Variants in POLQ observed in about 807,000 individuals in gnomAD.
POLQ encodes DNA polymerase theta.
A neutral mutation model predicts 259.2 loss-of-function variants in POLQ; 233 were observed. That is an observed-to-expected ratio of 0.90 (90% CI 0.81 to 1.00). The LOEUF is 1.00. Among genes scored for constraint, POLQ ranks in the 50% least tolerant of loss-of-function variants. The probability of loss-of-function intolerance (pLI) is 0.00; values close to 1 mark genes in which losing one functional copy is unlikely to be tolerated. For missense variants in POLQ, 2,871 were observed against 3,051.6 expected, an observed-to-expected ratio of 0.94 and a Z score of 1.39; for synonymous variants, 1,025 against 1,048.8, an observed-to-expected ratio of 0.98 and a Z score of 0.44.
Position 121,460,023 on chromosome 3 carries a change from T to TATATTAACC in POLQ, c.7152+18_7152+26dup, listed in dbSNP as rs1485587369. Reference sequence around the variant, plus strand: ...TTTGAGTCACTAAATTCTTCTCCTTTATATTAACCATGTTCACTAAAATCA... The same window carrying TATATTAACC: ...TTTGAGTCACTAAATTCTTCTCCTTTATATTAACCATATTAACCATGTTCACTAAAATCA... On this transcript the variant is annotated intron_variant, in intron 25 of 29. Transcript: ENST00000264233. 4 of 1,564,538 alleles carry TATATTAACC rather than the reference T, an allele frequency of 2.6e-6. No homozygotes were observed. In the South Asian group the frequency reaches 4.5e-5, roughly 18 times the overall value.
At position 121,485,149 on chromosome 3, in the gene POLQ, C is replaced by A. The variant is rs1039199133; in HGVS notation, c.5665G>T (p.Gly1889Ter). 12 of 1,608,850 alleles carry A rather than the reference C, an allele frequency of 7.5e-6. No homozygotes were observed. Among genetic ancestry groups the A allele is most frequent in the Non-Finnish European group, 1.0e-5 (12 of 1,176,660 alleles). Residue 1889 changes from glycine (G) to a stop codon, truncating the protein, a stop_gained, in exon 17 of 30, where the codon GGA becomes TGA. Transcript: ENST00000264233. LOFTEE classifies it high-confidence loss of function. ...TCATCACAACCTTTAATGGGAAATCCATCATCTCTAATAGGAATTTCCTGA... is the reference window on the plus strand; with the variant it reads ...TCATCACAACCTTTAATGGGAAATCAATCATCTCTAATAGGAATTTCCTGA... ...SPQEIPIRDDGFPIKGCDDTL... is the reference protein window; with the variant it reads ...SPQEIPIRDD
At chr3:121,480,606 C>T (rs555315728) in intron 19 of POLQ, among the ~76,000 whole-genome samples, 2 of 151,806 alleles carry the variant, frequency 1.3e-5, no homozygotes, top group Admixed American at 1.3e-4. Context: ...CAGGCAGGAA[C>T]CACTGAGCCA....
At chr3:121,467,666 T>TA in intron 23 of POLQ, 26 bp from the exon 24 acceptor site, 1 of 1,610,762 alleles carries the variant, frequency 6.2e-7, no homozygotes, top group Middle Eastern at 1.7e-4. Flanking sequence ...CATCATCAGT[T>TA]AGACATGAAG....
chr3:121,523,356 T>C (rs148063933), intron 7 of POLQ, among the ~76,000 whole-genome samples: 307 of 152,284 alleles, frequency 2.0e-3, no homozygotes, highest in African/African-American at 7.1e-3. Context: ...TACATACTTA[T>C]ATGTTGTCTT....
Position 121,473,276 on chromosome 3 carries a change from G to T in POLQ, c.6543+74C>A, listed in dbSNP as rs563107683. ...GTAGGCTAAGATGTTGATTTCATCA[G>T]CATTCTTTCTAGACACCAAAATGTT... On this transcript the variant is annotated intron_variant, in intron 21 of 29. Coordinates refer to ENST00000264233, the MANE Select transcript of POLQ (RefSeq NM_199420.4). The T allele has an allele frequency of 2.3e-5, 29 of 1,240,458 alleles. No homozygotes were observed. In the South Asian group the frequency reaches 4.0e-4, roughly 17 times the overall value. The allele number at this position is 1,240,458 out of a possible 1,614,324, so 76.8% of individuals were successfully genotyped here. A position where few individuals can be genotyped will look rare whatever the true frequency, so the allele number is the denominator to read the frequency against.
At chr3:121,534,603 G>A (rs2048437828) in intron 5 of POLQ, among the ~76,000 whole-genome samples, 1 of 152,230 alleles carries the variant, frequency 6.6e-6, no homozygotes, top group African/African-American at 2.4e-5. Context: ...TTACAGGCAT[G>A]AGCCACCATG....
intron 26 of POLQ, among the ~76,000 whole-genome samples, chr3:121,447,426 T>C (rs144636577): frequency 2.0e-4 from 30 of 152,160 alleles, no homozygotes; most frequent in African/African-American, 7.0e-4. Flanking sequence ...GCCTCCCAAA[T>C]TGCTGGGATT....
intron 28 of POLQ, 94 bp downstream of exon 28, chr3:121,436,028 C>T (rs1048234823): frequency 9.7e-7 from 1 of 1,035,706 alleles, no homozygotes; most frequent in Non-Finnish European, 1.4e-6. Context: ...CATTTGAGAA[C>T]TGTTGAGAAA....
At chr3:121,533,275 C>T in intron 5 of POLQ, 66 bp from the exon 6 acceptor site, 1 of 1,088,248 alleles carries the variant, frequency 9.2e-7, no homozygotes, top group Non-Finnish European at 1.3e-6. Context: ...GTGTTGCTAA[C>T]AATATTCTTG....
At chr3:121,497,330 C>T (rs1053737032) in intron 13 of POLQ, among the ~76,000 whole-genome samples, 8 of 151,924 alleles carry the variant, frequency 5.3e-5, no homozygotes, top group East Asian at 1.9e-4. Flanking sequence ...TGAAAGGCAA[C>T]GGTAGCAAAA....
Position 121,467,561 on chromosome 3 carries a change from G to A in POLQ, c.6925C>T (p.Pro2309Ser). 1 of 1,613,926 alleles carries A rather than the reference G, an allele frequency of 6.2e-7. No individual in the cohort carries two copies. The highest frequency in any genetic ancestry group is 8.5e-7 in the Non-Finnish European group (1 of 1,179,822). ...MEERAADRGM[P>S]FSISMRHAFV... ...GCATGTCGCATGCTAATTGAAAATG[G>A]CATTCCTCTGTCTGCAGCTCTCTCC... Residue 2309 changes from proline (P) to serine (S), a missense_variant, in exon 24 of 30, where the codon CCA becomes TCA. By Grantham distance (74) the Pro-to-Ser change is moderately conservative. Around this residue, in one of 3 missense-constraint regions of POLQ, gnomAD observed 2,080 missense variants for 2,126.0 expected, o/e 0.98. Coordinates refer to ENST00000264233, the MANE Select transcript of POLQ (RefSeq NM_199420.4).
rs1228810172 is a variant in POLQ, at chr3:121,523,446, T to G, written c.1109-1297A>C. Among the ~76,000 whole-genome samples, 3 of 152,180 alleles carry G rather than the reference T, an allele frequency of 2.0e-5. No homozygotes were observed. In the East Asian group the frequency reaches 5.8e-4, roughly 29 times the overall value. ...TAAATATATGGCTGGGCACGGTGGCTGACACCCGTAATCCCAGAACTTTGG... is the reference window on the plus strand; with the variant it reads ...TAAATATATGGCTGGGCACGGTGGCGGACACCCGTAATCCCAGAACTTTGG... On this transcript the variant is annotated intron_variant, in intron 7 of 29. Coordinates refer to ENST00000264233, the MANE Select transcript of POLQ (RefSeq NM_199420.4).
chr3:121,489,596 G>A lies in POLQ; in HGVS notation c.3335C>T (p.Thr1112Ile). 6 of 1,613,046 alleles carry A rather than the reference G, an allele frequency of 3.7e-6. No individual in the cohort carries two copies. Among genetic ancestry groups the A allele is most frequent in the Non-Finnish European group, 5.1e-6 (6 of 1,179,478 alleles). ...TTGCTTTATTTGTAATGGGAATGAT[G>A]TTTTATTATCTTTTTCCTTACCACT... ...SLSGKEKDNK[T>I]SFPLQIKQNC... Residue 1112 changes from threonine (T) to isoleucine (I), a missense_variant, in exon 16 of 30, where the codon ACA becomes ATA. By Grantham distance (89) the Thr-to-Ile change is moderately conservative (BLOSUM62 -1). This residue lies in a region of POLQ where 2,080 missense variants were observed against 2,126.0 expected (regional missense o/e 0.98). Transcript: ENST00000264233.
In POLQ at chr3:121,541,336, T is replaced by TA; in HGVS notation, c.474+12dup. On this transcript the variant is annotated intron_variant, in intron 3 of 29. Transcript: ENST00000264233. ...GAGCCTTTCACTATTTCAAACTTAG[T>TA]AAAAAACATTACCTGGAGGTAGTAT... is the stretch of plus-strand genomic sequence containing the variant. 6.4e-7 allele frequency: 1 copy of TA among 1,572,876 alleles called. No homozygotes were observed. Among genetic ancestry groups the TA allele is most frequent in the Non-Finnish European group, 8.6e-7 (1 of 1,160,774 alleles).
At chr3:121,437,354 C>A (rs975478909) in intron 27 of POLQ, among the ~76,000 whole-genome samples, 3 of 151,990 alleles carry the variant, frequency 2.0e-5, no homozygotes, top group Admixed American at 2.0e-4. Context: ...ATGCAGAAAA[C>A]TCAACAGAAA....
In POLQ at chr3:121,489,120, A is replaced by G; in HGVS notation, c.3811T>C (p.Ser1271Pro). The G allele has an allele frequency of 6.2e-7, 1 of 1,613,964 alleles. No individual in the cohort carries two copies. Residue 1271 changes from serine (S) to proline (P), a missense_variant, in exon 16 of 30, where the codon TCA becomes CCA. By Grantham distance (74) the Ser-to-Pro change is moderately conservative. Transcript: ENST00000264233. Reference protein sequence around the residue: ...RTVIPSEVLPSAGAFSKSEGQ... With the variant: ...RTVIPSEVLPPAGAFSKSEGQ... ...TCTGATTTGCTAAATGCTCCAGCTG[A>G]TGGAAGTACTTCACTGGGTATCACA...
At chr3:121,503,533 T>G (rs929182767) in intron 12 of POLQ, among the ~76,000 whole-genome samples, 1 of 152,088 alleles carries the variant, frequency 6.6e-6, no homozygotes, top group African/African-American at 2.4e-5. Context: ...CAAAAGGAAA[T>G]AGAAGACTAA....
chr3:121,500,953 T>A (rs2048162608), intron 12 of POLQ, among the ~76,000 whole-genome samples: 1 of 152,012 alleles, frequency 6.6e-6, no homozygotes, highest in African/African-American at 2.4e-5. Context: ...GAAAAAAAAA[T>A]CTGTCAACTA....
rs890694182 is a variant in POLQ, at chr3:121,545,843, C to A, written c.35G>T (p.Arg12Leu). The part of the protein sequence containing the change: ...NLLRRSGKRR[R>L]SESGSDSFSG... Reference sequence around the variant, plus strand: ...GAACGAATCTGAGCCTGATTCTGAACGCCGCCGTTTCCCACTCCGACGCAG... The same window carrying A: ...GAACGAATCTGAGCCTGATTCTGAAAGCCGCCGTTTCCCACTCCGACGCAG... The change falls in exon 1 of 30, where the codon CGT becomes CTT. Residue 12 changes from arginine to leucine, a missense_variant. Physicochemically the swap from Arg to Leu is moderately radical, Grantham distance 102. Around this residue, in one of 3 missense-constraint regions of POLQ, gnomAD observed 783 missense variants for 906.2 expected, o/e 0.86. Transcript: ENST00000264233. 1.9e-6 allele frequency: 3 copies of A among 1,614,000 alleles called. No homozygotes were observed. Among genetic ancestry groups the A allele is most frequent in the Admixed American group, 1.7e-5 (1 of 60,008 alleles).
Sources: allele counts gnomAD v4.1 joint callset (sites outside exome capture counted in the v4.1 genomes callset), GRCh38; gene constraint gnomAD v4.1.1; regional missense constraint gnomAD v4.1.1; transcripts MANE v1.5; gene names NCBI Gene and HGNC (gene_info 2026-07-23, HGNC 2026-07-21).